Variants in HMGA2 observed in about 807,000 individuals in gnomAD.
The protein encoded by HMGA2 is high mobility group protein HMGI-C.
A neutral mutation model predicts 19.1 loss-of-function variants in HMGA2; 8 were observed. The ratio of observed to expected loss-of-function variants is 0.42; its 90% confidence interval spans 0.25 to 0.76. The LOEUF (loss-of-function observed/expected upper bound fraction) is 0.76, where lower values mean the gene tolerates loss of function less well. Among genes scored for constraint, HMGA2 ranks in the 30% least tolerant of loss-of-function variants. The pLI, the probability that HMGA2 is intolerant of heterozygous loss-of-function variation, is 0.28. For missense variants in HMGA2, 109 were observed against 136.3 expected (o/e 0.80, Z 1.00); for synonymous variants, 60 against 48.8 (o/e 1.23, Z -0.96).
chr12:65,921,030 T>C (rs1326628702), intron 3 of HMGA2, among the ~76,000 whole-genome samples: 1 of 152,146 alleles, frequency 6.6e-6, no homozygotes, highest in Non-Finnish European at 1.5e-5. Context: ...GACAATAAAA[T>C]CCAGGTTGAG....
rs1873584799 is a variant in HMGA2 at position 65,884,738 on chromosome 12, A to G, written c.249+46169A>G. Among the ~76,000 whole-genome samples, 2 of 152,206 alleles carry G rather than the reference A, an allele frequency of 1.3e-5. 1 individual carries two copies. Among genetic ancestry groups the G allele is most frequent in the South Asian group, 4.1e-4 (2 of 4,832 alleles). ...TGTTGAAATTTTGTGAATTAGATTC[A>G]TCTGGATTAATATGTACTAGAATCA... On this transcript the variant is annotated intron_variant, in intron 3 of 4. Coordinates refer to ENST00000403681, the MANE Select transcript of HMGA2 (RefSeq NM_003483.6).
intron 3 of HMGA2, among the ~76,000 whole-genome samples, chr12:65,893,715 G>A (rs1392946403): frequency 1.3e-5 from 2 of 152,320 alleles, no homozygotes; most frequent in East Asian, 3.9e-4. Context: ...CAAGAGTTAA[G>A]CAATGAAGTT....
At chr12:65,941,355 G>C (rs1358564268) in intron 3 of HMGA2, among the ~76,000 whole-genome samples, 1 of 152,172 alleles carries the variant, frequency 6.6e-6, no homozygotes. Flanking sequence ...GGGCCACTGT[G>C]GAAGTGTGGG....
intron 3 of HMGA2, among the ~76,000 whole-genome samples, chr12:65,918,808 G>A (rs147229270): frequency 2.0e-5 from 3 of 152,228 alleles, no homozygotes; most frequent in Admixed American, 1.3e-4. Context: ...GCTGGAAAAG[G>A]TAACAATGTT....
intron 3 of HMGA2, among the ~76,000 whole-genome samples, chr12:65,922,164 T>G (rs747426535): frequency 6.6e-6 from 1 of 152,160 alleles, no homozygotes; most frequent in Non-Finnish European, 1.5e-5. Context: ...CTAGTGGAGC[T>G]GTGAGAAGAG....
At chr12:65,844,361 T>A (rs1399061788) in intron 3 of HMGA2, among the ~76,000 whole-genome samples, 3 of 152,228 alleles carry the variant, frequency 2.0e-5, no homozygotes, top group African/African-American at 7.2e-5. Context: ...TGGTAAGTAA[T>A]ATTTTCTGAA....
intron 4 of HMGA2, chr12:65,952,339 G>A (rs770058897): frequency 4.6e-6 from 7 of 1,527,156 alleles, no homozygotes; most frequent in Non-Finnish European, 6.1e-6. Context: ...AATCTACCTT[G>A]CATCCTGTTT....
intron 2 of HMGA2, among the ~76,000 whole-genome samples, chr12:65,829,662 T>G (rs1218207071): frequency 6.6e-6 from 1 of 152,078 alleles, no homozygotes; most frequent in Non-Finnish European, 1.5e-5. Context: ...ATAAGTAATT[T>G]GAAATTTAAT....
Position 65,910,424 on chromosome 12 carries a change from T to C in HMGA2, c.250-40959T>C, listed in dbSNP as rs1488959001. On this transcript the variant is annotated intron_variant, in intron 3 of 4. Transcript: ENST00000403681. Reference sequence around the variant, plus strand: ...CCGAGGTACTGCATTAAATCTTTTATATCTCACTTAAAAATCTTTACACCG... The same window carrying C: ...CCGAGGTACTGCATTAAATCTTTTACATCTCACTTAAAAATCTTTACACCG... Among the ~76,000 whole-genome samples, 3 of 152,236 alleles carry C rather than the reference T, an allele frequency of 2.0e-5. No homozygotes were observed. The East Asian group carries it at 5.8e-4, about 29-fold the overall frequency.
chr12:65,870,150 C>A (rs1315221416), intron 3 of HMGA2, among the ~76,000 whole-genome samples: 1 of 152,010 alleles, frequency 6.6e-6, no homozygotes, highest in Non-Finnish European at 1.5e-5. Context: ...AGCTTTAAGA[C>A]CTTTCAGTCT....
intron 4 of HMGA2, chr12:65,958,156 C>T (rs1156777244): frequency 1.3e-5 from 2 of 152,188 alleles, no homozygotes; most frequent in African/African-American, 4.8e-5. Flanking sequence ...GATCAACCTT[C>T]TTTACATTAA....
chr12:65,903,962 G>A (rs1874477917), intron 3 of HMGA2, among the ~76,000 whole-genome samples: 1 of 152,214 alleles, frequency 6.6e-6, no homozygotes, highest in East Asian at 1.9e-4. Context: ...AAGAGGTAAT[G>A]TTTTATTTGG....
chr12:65,836,215 C>T (rs1039244563), intron 2 of HMGA2, among the ~76,000 whole-genome samples: 1 of 151,848 alleles, frequency 6.6e-6, no homozygotes, highest in African/African-American at 2.4e-5. Flanking sequence ...AAAAATTAGC[C>T]GGGTGTGGTG....
chr12:65,834,764 A>G (rs1302298537), intron 2 of HMGA2, among the ~76,000 whole-genome samples: 1 of 152,168 alleles, frequency 6.6e-6, no homozygotes, highest in East Asian at 1.9e-4. Context: ...TTAGTTTTTA[A>G]AATATGCAGT....
chr12:65,890,903 T>G (rs1312732652), intron 3 of HMGA2, among the ~76,000 whole-genome samples: 2 of 152,038 alleles, frequency 1.3e-5, no homozygotes, highest in African/African-American at 4.8e-5. Context: ...TTGCATTTTT[T>G]GTAGAGACGG....
At chr12:65,936,144 T>A (rs1314824290) in intron 3 of HMGA2, among the ~76,000 whole-genome samples, 1 of 152,160 alleles carries the variant, frequency 6.6e-6, no homozygotes, top group Non-Finnish European at 1.5e-5. Flanking sequence ...TATTAAGTAA[T>A]GTTGTTCCTT....
intron 4 of HMGA2, among the ~76,000 whole-genome samples, chr12:65,960,953 A>T (rs1323882590): frequency 2.6e-5 from 4 of 152,210 alleles, no homozygotes; most frequent in African/African-American, 7.2e-5. Flanking sequence ...AGCTGATCAC[A>T]TTCCATCTAG....
chr12:65,924,916 C>T (rs919313286), intron 3 of HMGA2, among the ~76,000 whole-genome samples: 3 of 152,152 alleles, frequency 2.0e-5, no homozygotes, highest in African/African-American at 7.2e-5. Context: ...GCCGTTCTGT[C>T]ATATTTCTAG....
At chr12:65,851,593 A>C in intron 3 of HMGA2, 1 of 424,688 alleles carries the variant, frequency 2.4e-6, no homozygotes, top group Non-Finnish European at 4.7e-6. Context: ...GCTTGAACTC[A>C]GGAGGCGGAG....
Sources: allele counts gnomAD v4.1 joint callset (sites outside exome capture counted in the v4.1 genomes callset), GRCh38; gene constraint gnomAD v4.1.1; transcripts MANE v1.5; gene names NCBI Gene and HGNC (gene_info 2026-07-23, HGNC 2026-07-21).